The following PCDHA8 variants were observed in gnomAD, a reference collection of about 807,000 sequenced individuals.
The protein encoded by PCDHA8 is protocadherin alpha-8.
PCDHA8 carries 53 observed loss-of-function variants against 61.8 expected under a neutral mutation model. The observed-to-expected ratio is 0.86, with a 90% confidence interval of 0.69 to 1.08. The LOEUF is 1.08. PCDHA8 is among the 50% of genes least tolerant of loss of function. PCDHA8 has a pLI of 0.00. For missense variants in PCDHA8, 1,293 were observed against 1,245.0 expected (o/e 1.04, Z -0.58); for synonymous variants, 618 against 556.6 (o/e 1.11, Z -1.55).
intron 1 of PCDHA8, among the ~76,000 whole-genome samples, chr5:140,874,132 A>C (rs181983769): frequency 1.3e-5 from 2 of 152,240 alleles, no homozygotes; most frequent in East Asian, 3.8e-4. Flanking sequence ...TATTTAAGTT[A>C]TCTTATACTT....
At chr5:141,005,696 C>A (rs1269379462) in intron 3 of PCDHA8, among the ~76,000 whole-genome samples, 1 of 105,034 alleles carries the variant, frequency 9.5e-6, no homozygotes, top group African/African-American at 4.2e-5. Flanking sequence ...AGCGAAACTC[C>A]GTCTCAAAAA....
intron 1 of PCDHA8, among the ~76,000 whole-genome samples, chr5:140,878,711 G>A (rs944193090): frequency 6.6e-5 from 10 of 152,156 alleles, no homozygotes; most frequent in East Asian, 1.9e-4. Context: ...GGTAGTAAAG[G>A]CATTAAAATT....
intron 1 of PCDHA8, among the ~76,000 whole-genome samples, chr5:140,965,934 G>C (rs1186937423): frequency 6.6e-6 from 1 of 152,212 alleles, no homozygotes; most frequent in Non-Finnish European, 1.5e-5. Context: ...CTCCCGGAAA[G>C]AGGGCAGCAT....
At chr5:140,976,894 CAGT>C (rs1199753516) in intron 1 of PCDHA8, among the ~76,000 whole-genome samples, 1 of 152,132 alleles carries the variant, frequency 6.6e-6, no homozygotes, top group African/African-American at 2.4e-5. Context: ...ATACATGCAA[CAGT>C]ATGTAATAAA....
chr5:140,867,553 A>G (rs782238802), intron 1 of PCDHA8: 1 of 152,158 alleles, frequency 6.6e-6, no homozygotes, highest in Non-Finnish European at 1.5e-5. Context: ...GCATACACAT[A>G]TGATAACTTT....
chr5:140,843,089 G>T lies in PCDHA8; in HGVS notation c.1768G>T (p.Val590Leu). 1.3e-6 allele frequency: 2 copies of T among 1,595,612 alleles called. No individual in the cohort carries two copies. Among genetic ancestry groups the T allele is most frequent in the Non-Finnish European group, 1.7e-6 (2 of 1,165,430 alleles). Residue 590 changes from valine to leucine, a missense_variant, in exon 1 of 4, where the codon GTG (valine) becomes TTG (leucine). Val to Leu is a conservative substitution (Grantham distance 32). Transcript: ENST00000531613. Reference protein sequence around the residue: ...LVPRSVGAGHVVAKVRAVDAD... With the variant: ...LVPRSVGAGHLVAKVRAVDAD... ...GCCGCGGTCTGTGGGCGCGGGCCAC[G>T]TGGTAGCGAAGGTGCGCGCAGTGGA...
intron 1 of PCDHA8, chr5:140,867,950 C>G (rs2050209580): frequency 1.3e-5 from 2 of 152,002 alleles, no homozygotes; most frequent in Non-Finnish European, 2.9e-5. Context: ...ACTTCTGCTC[C>G]CAAACCCAAA....
At chr5:140,850,361 C>T in intron 1 of PCDHA8, 1 of 1,597,860 alleles carries the variant, frequency 6.3e-7, no homozygotes, top group Non-Finnish European at 8.6e-7. Flanking sequence ...GCATCCCGTT[C>T]CGCGTGGGGC....
chr5:140,859,825 T>C (rs752840072), intron 1 of PCDHA8: 1 of 152,250 alleles, frequency 6.6e-6, no homozygotes, highest in Admixed American at 6.5e-5. Flanking sequence ...AGTTTAGAAG[T>C]GTATTTGTTA....
At chr5:140,853,227 T>C in intron 1 of PCDHA8, 1 of 983,234 alleles carries the variant, frequency 1.0e-6, no homozygotes, top group Non-Finnish European at 1.2e-6. Context: ...GATTGGTAAT[T>C]TAGTCCTTCA....
rs1581309045 is a variant in PCDHA8, at chr5:140,853,255, T to G, written c.2394+9540T>G. On this transcript the variant is annotated intron_variant, in intron 1 of 3. Transcript: ENST00000531613. Reference sequence around the variant, plus strand: ...GTCCTTCATATTAATCTCTATTCTCTCTCAGAGTACAAGCTCTCATCATAT... The same window carrying G: ...GTCCTTCATATTAATCTCTATTCTCGCTCAGAGTACAAGCTCTCATCATAT... 7 of 974,424 alleles carry G rather than the reference T, an allele frequency of 7.2e-6. 1 individual carries two copies. Among genetic ancestry groups the G allele is most frequent in the Non-Finnish European group, 8.7e-6 (7 of 807,532 alleles). The allele number at this position is 974,424 out of a possible 1,614,324, so 60.4% of individuals were successfully genotyped here. A position where few individuals can be genotyped will look rare whatever the true frequency, so the allele number is the denominator to read the frequency against.
intron 1 of PCDHA8, among the ~76,000 whole-genome samples, chr5:140,845,833 T>G (rs1323820046): frequency 2.0e-5 from 3 of 149,812 alleles, no homozygotes; most frequent in Non-Finnish European, 4.5e-5. Context: ...GTTATTACCA[T>G]TCTTAAGAGA....
Position 141,009,742 on chromosome 5 carries a change from C to A in PCDHA8, c.2658C>A (p.Asp886Glu). 6.2e-7 allele frequency: 1 copy of A among 1,614,160 alleles called. No individual in the cohort carries two copies. Among genetic ancestry groups the A allele is most frequent in the Non-Finnish European group, 8.5e-7 (1 of 1,180,038 alleles). The part of the protein sequence containing the change: ...PKQSGPGELP[D>E]KFIIPGSPAI... ...AATCCGGTCCCGGTGAGTTGCCCGA[C>A]AAATTCATTATCCCAGGATCTCCTG... is the stretch of plus-strand genomic sequence containing the variant. The change falls in exon 4 of 4, where the codon GAC becomes GAA. Residue 886 changes from aspartate to glutamate, a missense_variant. By Grantham distance (45) the Asp-to-Glu change is conservative. Coordinates refer to ENST00000531613, the MANE Select transcript of PCDHA8 (RefSeq NM_018911.3).
intron 1 of PCDHA8, among the ~76,000 whole-genome samples, chr5:140,953,652 G>A (rs2094921965): frequency 6.6e-6 from 1 of 152,102 alleles, no homozygotes; most frequent in South Asian, 2.1e-4. Context: ...AGCTATAGTT[G>A]TTATCTCTGG....
At chr5:140,982,296 C>A in intron 2 of PCDHA8, 179 bp from the exon 3 acceptor site, 1 of 1,167,132 alleles carries the variant, frequency 8.6e-7, no homozygotes, top group Non-Finnish European at 1.2e-6. Flanking sequence ...AGTAAGTCAG[C>A]AATGCTTCTG....
intron 1 of PCDHA8, 78 bp from the exon 2 acceptor site, chr5:140,978,871 T>G: frequency 6.2e-7 from 1 of 1,606,510 alleles, no homozygotes; most frequent in Non-Finnish European, 8.5e-7. Context: ...TTTAAGGGAG[T>G]AACTAATCAA....
rs1299003245 is a variant in PCDHA8, at chr5:140,846,734, T to A, written c.2394+3019T>A. Among the ~76,000 whole-genome samples, 2 of 149,288 alleles carry A rather than the reference T, an allele frequency of 1.3e-5. 1 individual carries two copies. The highest frequency in any genetic ancestry group is 3.0e-5 in the Non-Finnish European group (2 of 66,808). On this transcript the variant is annotated intron_variant, in intron 1 of 3. Transcript: ENST00000531613. ...TAACCAGTCTTCATTAAACATTAAA[T>A]AGGACCCTTACAGATCTCTAACAGC...
In PCDHA8 at chr5:140,852,913, C is replaced by T. The variant is rs1049603873; in HGVS notation, c.2394+9198C>T. ...TTTTTTTTTGAGTCAGAGTCTCGCTCTGTTGCCCAGGCTGGAGTGCAGTGG... is the reference window on the plus strand; with the variant it reads ...TTTTTTTTTGAGTCAGAGTCTCGCTTTGTTGCCCAGGCTGGAGTGCAGTGG... On this transcript the variant is annotated intron_variant, in intron 1 of 3. Coordinates refer to ENST00000531613, the MANE Select transcript of PCDHA8 (RefSeq NM_018911.3). 2.0e-4 allele frequency: 157 copies of T among 789,674 alleles called. 4 individuals are homozygous for T. The highest frequency in any genetic ancestry group is 2.4e-4 in the Non-Finnish European group (154 of 638,000). 48.9% of individuals were successfully genotyped at this position (789,674 alleles called of 1,614,324 possible). A position where few individuals can be genotyped will look rare whatever the true frequency, so the allele number is the denominator to read the frequency against.
At chr5:140,882,750 A>C (rs781948584) in intron 1 of PCDHA8, 3 of 1,614,128 alleles carry the variant, frequency 1.9e-6, no homozygotes, top group Non-Finnish European at 2.5e-6. Flanking sequence ...TCCGATGCAG[A>C]TATTGGAGTA....
Sources: allele counts gnomAD v4.1 joint callset (sites outside exome capture counted in the v4.1 genomes callset), GRCh38; gene constraint gnomAD v4.1.1; transcripts MANE v1.5; gene names NCBI Gene and HGNC (gene_info 2026-07-23, HGNC 2026-07-21).